MORN1: variants seen among roughly 807,000 people sequenced by gnomAD.
MORN1 encodes MORN repeat containing 1.
A neutral mutation model predicts 61.9 loss-of-function variants in MORN1; 67 were observed. That is an observed-to-expected ratio of 1.08 (90% CI 0.89 to 1.33). The LOEUF is 1.33. Among genes scored for constraint, MORN1 ranks in the 40% most tolerant of loss-of-function variants. The pLI is 0.00. For missense variants in MORN1, 752 were observed against 691.2 expected (o/e 1.09, Z -0.99); for synonymous variants, 301 against 292.0 (o/e 1.03, Z -0.31).
chr1:2,391,320 G>C (rs981217394), intron 1 of MORN1, 138 bp downstream of exon 1: 1 of 1,001,622 alleles, frequency 1.0e-6, no homozygotes, highest in African/African-American at 1.7e-5. Context: ...GGGGACGCGG[G>C]GGCGGCCCTG....
At chr1:2,389,320 G>C (rs1183747356) in intron 2 of MORN1, among the ~76,000 whole-genome samples, 1 of 152,224 alleles carries the variant, frequency 6.6e-6, no homozygotes, top group Non-Finnish European at 1.5e-5. Flanking sequence ...CCAGGCTGGA[G>C]TGCAGTGGCA....
intron 8 of MORN1, chr1:2,363,272 G>A (rs568804462): frequency 6.6e-6 from 1 of 152,244 alleles, no homozygotes; most frequent in South Asian, 2.1e-4. Flanking sequence ...GTCACAGCTT[G>A]CCAGGAGTAA....
At chr1:2,374,231 AC>A (rs1642184981) in intron 7 of MORN1, among the ~76,000 whole-genome samples, 1 of 152,062 alleles carries the variant, frequency 6.6e-6, no homozygotes, top group Non-Finnish European at 1.5e-5. Flanking sequence ...TGACGAGGCC[AC>A]CCCCAGACAC....
At chr1:2,358,571 A>T (rs770640581) in intron 9 of MORN1, 21 bp downstream of exon 9, 10 of 1,610,978 alleles carry the variant, frequency 6.2e-6, no homozygotes, top group Non-Finnish European at 8.5e-6. Flanking sequence ...GAACTAACTC[A>T]TTGGTGTCAC....
intron 8 of MORN1, among the ~76,000 whole-genome samples, chr1:2,361,040 A>G (rs1228937404): frequency 6.6e-6 from 1 of 152,212 alleles, no homozygotes; most frequent in African/African-American, 2.4e-5. Flanking sequence ...AAAATATCCA[A>G]TACCCAACAA....
At chr1:2,382,190 A>G (rs1642387304) in intron 6 of MORN1, among the ~76,000 whole-genome samples, 1 of 152,084 alleles carries the variant, frequency 6.6e-6, no homozygotes, top group African/African-American at 2.4e-5. Flanking sequence ...GCCGGAGGGG[A>G]TGGCCCTGTC....
At chr1:2,369,073 G>C (rs574793441) in intron 8 of MORN1, among the ~76,000 whole-genome samples, 1 of 148,906 alleles carries the variant, frequency 6.7e-6, no homozygotes, top group African/African-American at 2.5e-5. Context: ...AAAAAAAGGC[G>C]GGGGGCAGTG....
chr1:2,322,629 CAGCACCG>C (rs1261712585), intron 13 of MORN1: 7 of 985,306 alleles, frequency 7.1e-6, no homozygotes, highest in Admixed American at 1.2e-4. Flanking sequence ...GTGTGGGCCA[CAGCACCG>C]GGCACCGGGG....
chr1:2,327,097 C>G (rs1641042888), intron 12 of MORN1, among the ~76,000 whole-genome samples: 1 of 143,934 alleles, frequency 6.9e-6, no homozygotes, highest in African/African-American at 2.5e-5. Context: ...GACACAGAAA[C>G]ACACAGAAAC....
chr1:2,346,036 A>G (rs1334889512), intron 10 of MORN1, among the ~76,000 whole-genome samples: 5 of 151,432 alleles, frequency 3.3e-5, no homozygotes. Context: ...TCCTCAGACA[A>G]AGCCACCAGG....
chr1:2,382,450 C>A (rs1642394329), intron 6 of MORN1, among the ~76,000 whole-genome samples: 1 of 152,230 alleles, frequency 6.6e-6, no homozygotes. Context: ...TGAAACCACA[C>A]ACCCGAGCCC....
intron 6 of MORN1, among the ~76,000 whole-genome samples, chr1:2,384,148 C>T (rs764709717): frequency 5.9e-5 from 9 of 152,196 alleles, no homozygotes; most frequent in Non-Finnish European, 8.8e-5. Flanking sequence ...CATTTTTCCC[C>T]ATTGGAGTGA....
chr1:2,358,567 A>G (rs1437247861), intron 9 of MORN1, 25 bp downstream of exon 9: 1 of 1,613,538 alleles, frequency 6.2e-7, no homozygotes, highest in Non-Finnish European at 8.5e-7. Context: ...CTCAGAACTA[A>G]CTCATTGGTG....
rs1046151454 is a variant in MORN1 at position 2,384,915 on chromosome 1, C to T, written c.537+63G>A. ...AGGGTGAGGCTCCCCATACACCCCA[C>T]GCGCCCTGCCCACCACGAGGCCTGT... On this transcript the variant is annotated intron_variant, in intron 6 of 13. Transcript: ENST00000378531. The T allele has an allele frequency of 5.6e-6, 8 of 1,416,494 alleles. No individual in the cohort carries two copies. In the African/African-American group the frequency reaches 5.7e-5, roughly 10 times the overall value. The allele number at this position is 1,416,494 out of a possible 1,614,324, so 87.7% of individuals were successfully genotyped here.
At chr1:2,389,853 C>T in intron 2 of MORN1, 72 bp downstream of exon 2, 1 of 1,424,806 alleles carries the variant, frequency 7.0e-7, no homozygotes, top group Admixed American at 1.7e-5. Context: ...GCCCACCCAA[C>T]CTCCCGGGGA....
chr1:2,327,503 A>C (rs1416425717), intron 12 of MORN1, among the ~76,000 whole-genome samples: 1 of 141,996 alleles, frequency 7.0e-6, no homozygotes, highest in African/African-American at 2.9e-5. Flanking sequence ...CACAGAAACA[A>C]ACACAGAGAC....
chr1:2,327,523 C>CA, intron 12 of MORN1, among the ~76,000 whole-genome samples: 1 of 152,316 alleles, frequency 6.6e-6, no homozygotes, highest in Middle Eastern at 3.4e-3. Context: ...CACAGACACA[C>CA]AGACACAGAG....
rs766891354 is a variant in MORN1, at chr1:2,336,800, C to T, written c.1087G>A (p.Gly363Ser). 1 of 1,603,182 alleles carries T rather than the reference C, an allele frequency of 6.2e-7. No individual in the cohort carries two copies. Among genetic ancestry groups the T allele is most frequent in the South Asian group, 1.1e-5 (1 of 89,760 alleles). ...AGGACATCTGTGAACTCGGCACAGC[C>T]CTGCTCCACTCGCTGACAGGCCCCG... ...CPGACQRVEQGCAEFTDVLLG... is the reference protein window; with the variant it reads ...CPGACQRVEQSCAEFTDVLLG... The change falls in exon 11 of 14, where the codon GGC becomes AGC. Residue 363 changes from glycine (G) to serine (S), a missense_variant. By Grantham distance (56) the Gly-to-Ser change is moderately conservative. Transcript: ENST00000378531.
chr1:2,370,832 C>A (rs1374016457), intron 8 of MORN1, among the ~76,000 whole-genome samples: 1 of 151,880 alleles, frequency 6.6e-6, no homozygotes, highest in Non-Finnish European at 1.5e-5. Context: ...GCATGCACTA[C>A]CATGACCAGC....
Sources: allele counts gnomAD v4.1 joint callset (sites outside exome capture counted in the v4.1 genomes callset), GRCh38; gene constraint gnomAD v4.1.1; transcripts MANE v1.5; gene names NCBI Gene and HGNC (gene_info 2026-07-23, HGNC 2026-07-21).